The following CACNA2D3 variants were observed in gnomAD, a reference collection of about 807,000 sequenced individuals.
The protein encoded by CACNA2D3 is voltage-dependent calcium channel subunit alpha-2/delta-3.
In CACNA2D3, 60 loss-of-function variants were observed where a neutral mutation model predicts 160.6. The observed-to-expected ratio is 0.37, with a 90% CI of 0.30 to 0.46. The LOEUF is 0.46. CACNA2D3 is among the 20% of genes least tolerant of loss of function. The pLI, the probability that CACNA2D3 is intolerant of heterozygous loss-of-function variation, is 1.00. For missense variants in CACNA2D3, 1,205 were observed against 1,365.0 expected (o/e 0.88, Z 1.85); for synonymous variants, 558 against 492.9 (o/e 1.13, Z -1.75).
intron 27 of CACNA2D3, chr3:54,918,636 G>A (rs767099510): frequency 8.1e-6 from 13 of 1,614,056 alleles, no homozygotes; most frequent in Non-Finnish European, 1.1e-5. Flanking sequence ...TGATGACAGT[G>A]GCAATGGCAT....
At chr3:55,073,992 C>A (rs972366149) in intron 37 of CACNA2D3, 122 bp from the exon 38 acceptor site, 5 of 1,078,030 alleles carry the variant, frequency 4.6e-6, no homozygotes, top group Non-Finnish European at 2.8e-6. Flanking sequence ...ACTGAATCTG[C>A]ACCATCATCT....
intron 30 of CACNA2D3, among the ~76,000 whole-genome samples, chr3:54,986,183 T>C (rs1234713695): frequency 2.0e-5 from 3 of 152,174 alleles, no homozygotes. Context: ...AGTGGATGTC[T>C]TCCGGGGGTG....
chr3:54,672,796 G>A (rs567999151), intron 11 of CACNA2D3, among the ~76,000 whole-genome samples: 78 of 152,174 alleles, frequency 5.1e-4, no homozygotes, highest in Non-Finnish European at 9.4e-4. Context: ...CTCTCTCCTA[G>A]AGTGGTCGCA....
chr3:54,791,364 C>A (rs1231478849), intron 13 of CACNA2D3, among the ~76,000 whole-genome samples: 1 of 152,146 alleles, frequency 6.6e-6, no homozygotes, highest in East Asian at 1.9e-4. Context: ...GTATTCAGAG[C>A]AGATGCAAAG....
At chr3:54,913,646 G>C (rs113471950) in intron 27 of CACNA2D3, among the ~76,000 whole-genome samples, 2,447 of 152,232 alleles carry the variant, frequency 0.016, 75 homozygotes, top group African/African-American at 0.056. Flanking sequence ...TGTCCTACTG[G>C]TTGGTGGTTG....
intron 27 of CACNA2D3, among the ~76,000 whole-genome samples, chr3:54,956,613 T>C (rs1449654555): frequency 6.6e-6 from 1 of 152,150 alleles, no homozygotes; most frequent in Non-Finnish European, 1.5e-5. Context: ...TTCCTGCTCA[T>C]CCTACAGACC....
intron 4 of CACNA2D3, among the ~76,000 whole-genome samples, chr3:54,421,978 TATAATTC>T (rs1027021477): frequency 3.3e-5 from 5 of 152,160 alleles, no homozygotes; most frequent in Admixed American, 2.6e-4. Flanking sequence ...TCCTTGTTCT[TATAATTC>T]ATTTGTAGCT....
intron 13 of CACNA2D3, among the ~76,000 whole-genome samples, chr3:54,768,874 C>T (rs1339591048): frequency 6.6e-6 from 1 of 152,154 alleles, no homozygotes; most frequent in African/African-American, 2.4e-5. Context: ...GCAAATTGCC[C>T]TAATAAATAC....
At chr3:54,359,472 T>C (rs1698706116) in intron 3 of CACNA2D3, among the ~76,000 whole-genome samples, 2 of 152,156 alleles carry the variant, frequency 1.3e-5, no homozygotes, top group Non-Finnish European at 2.9e-5. Context: ...GCAGGCGTCC[T>C]AGGCTCACGC....
At chr3:54,152,103 A>G (rs181191678) in intron 2 of CACNA2D3, among the ~76,000 whole-genome samples, 8 of 152,264 alleles carry the variant, frequency 5.3e-5, no homozygotes, top group Admixed American at 3.3e-4. Context: ...TCCAAGATTG[A>G]CTTGTGTTTG....
At chr3:54,999,622 T>C (rs1369586545) in intron 31 of CACNA2D3, among the ~76,000 whole-genome samples, 1 of 152,190 alleles carries the variant, frequency 6.6e-6, no homozygotes, top group East Asian at 1.9e-4. Flanking sequence ...GTGAGCTAAT[T>C]TGATGAATCA....
At chr3:54,660,906 G>A (rs553566827) in intron 11 of CACNA2D3, among the ~76,000 whole-genome samples, 33 of 152,196 alleles carry the variant, frequency 2.2e-4, no homozygotes, top group African/African-American at 6.0e-4. Context: ...CTCACTCCTC[G>A]GGGATTCCTA....
At chr3:54,388,792 C>G (rs944823731) in intron 4 of CACNA2D3, among the ~76,000 whole-genome samples, 1 of 152,148 alleles carries the variant, frequency 6.6e-6, no homozygotes, top group Non-Finnish European at 1.5e-5. Context: ...ATGGCAGCAT[C>G]AGGAAGCACT....
intron 1 of CACNA2D3, 140 bp from the exon 2 acceptor site, chr3:54,123,373 T>G: frequency 3.0e-6 from 2 of 677,718 alleles, no homozygotes; most frequent in East Asian, 2.7e-5. Flanking sequence ...ACCAAGCCGC[T>G]TTTTCTATCT....
chr3:54,204,796 GAAAAAAA>G (rs57129457), intron 2 of CACNA2D3, among the ~76,000 whole-genome samples: 12 of 74,054 alleles, frequency 1.6e-4, no homozygotes, highest in East Asian at 3.4e-4. Flanking sequence ...ATGCTGTCTT[GAAAAAAA>G]AAAAAAAAAA....
At chr3:54,139,600 T>C (rs1171254427) in intron 2 of CACNA2D3, among the ~76,000 whole-genome samples, 1 of 152,192 alleles carries the variant, frequency 6.6e-6, no homozygotes. Flanking sequence ...GGGACTAAAA[T>C]ATTTGACATA....
chr3:54,483,717 T>C (rs1226301295), intron 4 of CACNA2D3, among the ~76,000 whole-genome samples: 3 of 152,226 alleles, frequency 2.0e-5, no homozygotes, highest in South Asian at 2.1e-4. Context: ...TTAGTAGTTG[T>C]TGCAAAACCC....
chr3:54,431,346 AAG>A (rs1350696547), intron 4 of CACNA2D3, among the ~76,000 whole-genome samples: 2 of 151,798 alleles, frequency 1.3e-5, no homozygotes, highest in Admixed American at 6.6e-5. Flanking sequence ...AAAAAGAAAA[AAG>A]AAAAATCATA....
intron 11 of CACNA2D3, among the ~76,000 whole-genome samples, chr3:54,714,842 G>A (rs1701022189): frequency 6.6e-6 from 1 of 152,160 alleles, no homozygotes; most frequent in Non-Finnish European, 1.5e-5. Context: ...ATCAACATGT[G>A]GATGAGTGGA....
Sources: allele counts gnomAD v4.1 joint callset (sites outside exome capture counted in the v4.1 genomes callset), GRCh38; gene constraint gnomAD v4.1.1; transcripts MANE v1.5; gene names NCBI Gene and HGNC (gene_info 2026-07-23, HGNC 2026-07-21).